The following TMEM123 variants were observed in gnomAD, a reference collection of about 807,000 sequenced individuals.
The protein encoded by TMEM123 is porimin.
In TMEM123, 16 loss-of-function variants were observed where a neutral mutation model predicts 19.7. The observed-to-expected ratio is 0.81, with a 90% confidence interval of 0.55 to 1.23. The LOEUF (loss-of-function observed/expected upper bound fraction) is 1.23. Ranked by LOEUF, TMEM123 falls within the 50% of genes most tolerant of loss-of-function variation. The pLI is 0.00. For missense variants in TMEM123, 313 were observed against 257.8 expected (o/e 1.21, Z -1.47); for synonymous variants, 118 against 99.4 (o/e 1.19, Z -1.12).
At chr11:102,448,754 A>AT in intron 2 of TMEM123, 58 bp downstream of exon 2, 1 of 1,541,328 alleles carries the variant, frequency 6.5e-7, no homozygotes, top group South Asian at 1.1e-5. Context: ...CCTGGCTGTT[A>AT]TTACTTCATG....
intron 2 of TMEM123, among the ~76,000 whole-genome samples, chr11:102,403,559 G>A (rs1951930723): frequency 2.6e-5 from 4 of 152,094 alleles, no homozygotes; most frequent in Admixed American, 6.5e-5. Flanking sequence ...ATATATTTCT[G>A]TATTCATTTC....
chr11:102,398,570 T>A lies in TMEM123; in HGVS notation c.*297A>T. Reference sequence around the variant, plus strand: ...GATGACGTCTTTCAATTACTGGTCATATGTGACCAATGCCCCCACCCCAGC... The same window carrying A: ...GATGACGTCTTTCAATTACTGGTCAAATGTGACCAATGCCCCCACCCCAGC... On this transcript the variant is annotated 3_prime_UTR_variant, in exon 5 of 5. Coordinates refer to ENST00000398136, the MANE Select transcript of TMEM123 (RefSeq NM_052932.3). The A allele has an allele frequency of 2.0e-6, 1 of 501,814 alleles. No individual in the cohort carries two copies. The highest frequency in any genetic ancestry group is 4.2e-5 in the Admixed American group (1 of 23,768). 31.1% of individuals were successfully genotyped at this position (501,814 alleles called of 1,614,324 possible). A position where few individuals can be genotyped will look rare whatever the true frequency, so the allele number is the denominator to read the frequency against.
At chr11:102,427,840 T>C (rs1952142702) in intron 2 of TMEM123, among the ~76,000 whole-genome samples, 1 of 147,766 alleles carries the variant, frequency 6.8e-6, no homozygotes, top group African/African-American at 2.5e-5. Context: ...TCTGTTTCAA[T>C]TAAAAAAAAA....
At chr11:102,410,249 C>G (rs180921151) in intron 2 of TMEM123, among the ~76,000 whole-genome samples, 3 of 150,776 alleles carry the variant, frequency 2.0e-5, no homozygotes, top group Non-Finnish European at 2.9e-5. Flanking sequence ...GAACTAACAA[C>G]CGAGACATAG....
Position 102,398,756 on chromosome 11 carries a change from G to A in TMEM123, c.*111C>T, listed in dbSNP as rs1018819390. 82 of 1,048,254 alleles carry A rather than the reference G, an allele frequency of 7.8e-5. No individual in the cohort carries two copies. In the African/African-American group the frequency reaches 1.1e-3, roughly 14 times the overall value. The allele number at this position is 1,048,254 out of a possible 1,614,324, so 64.9% of individuals were successfully genotyped here. A position where few individuals can be genotyped will look rare whatever the true frequency, so the allele number is the denominator to read the frequency against. On this transcript the variant is annotated 3_prime_UTR_variant, in exon 5 of 5. Coordinates refer to ENST00000398136, the MANE Select transcript of TMEM123 (RefSeq NM_052932.3). ...TAATACACTGTACATTATATGCATG[G>A]CCTGTTTATACTATTTTCAAAAAGA...
chr11:102,407,995 T>G (rs1392569932), intron 2 of TMEM123, among the ~76,000 whole-genome samples: 1 of 152,192 alleles, frequency 6.6e-6, no homozygotes, highest in East Asian at 1.9e-4. Flanking sequence ...GCTGGTTCCT[T>G]TTGCAGATCT....
chr11:102,409,007 G>A (rs531773032), intron 2 of TMEM123, among the ~76,000 whole-genome samples: 78 of 152,086 alleles, frequency 5.1e-4, no homozygotes, highest in Non-Finnish European at 8.5e-4. Context: ...CTATAACCTT[G>A]AGTCCAAAAA....
chr11:102,420,355 G>C (rs925436635), intron 2 of TMEM123, among the ~76,000 whole-genome samples: 5 of 152,182 alleles, frequency 3.3e-5, no homozygotes, highest in African/African-American at 9.7e-5. Flanking sequence ...GATCTGACCT[G>C]GAATGAGCTC....
Position 102,398,453 on chromosome 11 carries a change from GTTCT to G in TMEM123, c.*410_*413del. 2 of 403,038 alleles carry G rather than the reference GTTCT, an allele frequency of 5.0e-6. No individual in the cohort carries two copies. Among genetic ancestry groups the G allele is most frequent in the East Asian group, 7.1e-5 (2 of 28,126 alleles). 25.0% of individuals were successfully genotyped at this position (403,038 alleles called of 1,614,324 possible). On this transcript the variant is annotated 3_prime_UTR_variant, in exon 5 of 5. Transcript: ENST00000398136. ...ATATCCAGCTCTGAAAAGCACTGAA[GTTCT>G]TTATGTGAGCTACAAAAGATACCCA...
intron 2 of TMEM123, among the ~76,000 whole-genome samples, chr11:102,446,025 A>G (rs1857880501): frequency 6.6e-6 from 1 of 152,162 alleles, no homozygotes; most frequent in Non-Finnish European, 1.5e-5. Context: ...TGGTAACCCA[A>G]TCCTCTCAGA....
chr11:102,434,044 A>T (rs1857738470), intron 2 of TMEM123, among the ~76,000 whole-genome samples: 1 of 152,086 alleles, frequency 6.6e-6, no homozygotes, highest in Admixed American at 6.6e-5. Context: ...ATAGTGCTGT[A>T]ATGAACATGG....
At chr11:102,417,547 A>G (rs1952051990) in intron 2 of TMEM123, among the ~76,000 whole-genome samples, 1 of 152,210 alleles carries the variant, frequency 6.6e-6, no homozygotes, top group South Asian at 2.1e-4. Flanking sequence ...TCATGGAGAG[A>G]AAGAATCAAT....
intron 2 of TMEM123, among the ~76,000 whole-genome samples, chr11:102,403,967 T>C (rs771279106): frequency 6.6e-6 from 1 of 152,194 alleles, no homozygotes; most frequent in Non-Finnish European, 1.5e-5. Context: ...CTTGCAGAAC[T>C]TTCCCAGCCT....
At chr11:102,435,553 T>C (rs756320788) in intron 2 of TMEM123, among the ~76,000 whole-genome samples, 39 of 151,976 alleles carry the variant, frequency 2.6e-4, no homozygotes, top group Non-Finnish European at 4.6e-4. Context: ...AGTTACCATA[T>C]GACCTAGCAA....
chr11:102,422,204 T>A (rs1952092831), intron 2 of TMEM123, among the ~76,000 whole-genome samples: 1 of 152,236 alleles, frequency 6.6e-6, no homozygotes, highest in South Asian at 2.1e-4. Flanking sequence ...CCGAGTGTGG[T>A]GGCTCATGCC....
rs2135838797 is a variant in TMEM123, at chr11:102,398,265, C to G, written c.*602G>C. On this transcript the variant is annotated 3_prime_UTR_variant, in exon 5 of 5. Transcript: ENST00000398136. ...GGATCCCTAACAGGGCTAAGCAAAG[C>G]TATTATTTTGGGTTTTATTTGAAAA... 1 of 243,780 alleles carries G rather than the reference C, an allele frequency of 4.1e-6. No homozygotes were observed. The highest frequency in any genetic ancestry group is 7.8e-6 in the Non-Finnish European group (1 of 128,972). 15.1% of individuals were successfully genotyped at this position (243,780 alleles called of 1,614,324 possible). A position where few individuals can be genotyped will look rare whatever the true frequency, so the allele number is the denominator to read the frequency against.
intron 2 of TMEM123, among the ~76,000 whole-genome samples, chr11:102,448,541 T>C (rs1857906781): frequency 6.6e-6 from 1 of 152,224 alleles, no homozygotes; most frequent in Non-Finnish European, 1.5e-5. Context: ...CATCTAAAAA[T>C]GTGCTTCAAA....
intron 2 of TMEM123, among the ~76,000 whole-genome samples, chr11:102,412,634 T>C (rs985687264): frequency 1.3e-4 from 20 of 152,286 alleles, no homozygotes; most frequent in African/African-American, 4.1e-4. Flanking sequence ...TATGCAAGTC[T>C]TTAAGGTGAA....
chr11:102,401,928 AAGC>A lies in TMEM123; in HGVS notation c.433_435del (p.Ala145del), dbSNP rs770420840. Reference sequence around the variant, plus strand: ...CTTTAATACATACTTGTTACTGATGAAGCAGCAGATGTCACTGAACTATTGTGG... The same window carrying A: ...CTTTAATACATACTTGTTACTGATGAAGCAGATGTCACTGAACTATTGTGG... On this transcript the variant is annotated inframe_deletion, in exon 3 of 5. Coordinates refer to ENST00000398136, the MANE Select transcript of TMEM123 (RefSeq NM_052932.3). The A allele has an allele frequency of 1.2e-6, 2 of 1,613,806 alleles. No homozygotes were observed. Among genetic ancestry groups the A allele is most frequent in the Admixed American group, 1.7e-5 (1 of 60,022 alleles).
Sources: gnomAD v4.1 joint callset for allele counts (sites outside exome capture counted in the v4.1 genomes callset) on GRCh38, gnomAD v4.1.1 for gene constraint, MANE v1.5 for transcripts, NCBI Gene and HGNC (gene_info 2026-07-23, HGNC 2026-07-21) for gene names.